Variants in SPTBN1 observed in about 807,000 individuals in gnomAD.
The protein encoded by SPTBN1 is spectrin beta chain, non-erythrocytic 1.
SPTBN1 carries 32 observed loss-of-function variants against 266.4 expected under a neutral mutation model. The ratio of observed to expected loss-of-function variants is 0.12; its 90% CI spans 0.09 to 0.16. The LOEUF (loss-of-function observed/expected upper bound fraction) is 0.16. Ranked by LOEUF, SPTBN1 falls within the 10% of genes least tolerant of loss-of-function variation. SPTBN1 has a pLI of 1.00. For synonymous variants in SPTBN1, 1,336 were observed against 1,162.2 expected, an observed-to-expected ratio of 1.15 and a Z score of -3.04; for missense variants, 2,296 against 3,067.1, an observed-to-expected ratio of 0.75 and a Z score of 5.94.
chr2:54,667,605 C>G lies in SPTBN1; in HGVS notation c.6835C>G (p.Leu2279Val), dbSNP rs764427649. 6.2e-6 allele frequency: 10 copies of G among 1,613,786 alleles called. No homozygotes were observed. Among genetic ancestry groups the G allele is most frequent in the Non-Finnish European group, 8.5e-6 (10 of 1,179,736 alleles). ...TAACTTTCTTCCTTGAAATTACAGA[C>G]TAAATGATGGCAATGAGTACCTCTT... ...KKKKHVFKLR[L>V]NDGNEYLFQA... Residue 2279 changes from leucine (L) to valine (V), a missense_variant and splice_region_variant, in exon 35 of 36, where the codon CTA becomes GTA. Physicochemically the swap from Leu to Val is conservative, Grantham distance 32. This residue lies in a region of SPTBN1 where 347 missense variants were observed against 368.5 expected (regional missense o/e 0.94). Coordinates refer to ENST00000356805, the MANE Select transcript of SPTBN1 (RefSeq NM_003128.3).
At chr2:54,620,231 A>G (rs1043633735) in intron 7 of SPTBN1, among the ~76,000 whole-genome samples, 1 of 152,242 alleles carries the variant, frequency 6.6e-6, no homozygotes, top group Non-Finnish European at 1.5e-5. Flanking sequence ...CAAACAAAAC[A>G]TGCATAAAAA....
intron 1 of SPTBN1, among the ~76,000 whole-genome samples, chr2:54,488,244 A>G (rs1334480809): frequency 1.3e-5 from 2 of 152,122 alleles, no homozygotes; most frequent in Admixed American, 1.3e-4. Context: ...CCTTACCGTC[A>G]TGCCTCAATT....
intron 7 of SPTBN1, among the ~76,000 whole-genome samples, chr2:54,620,797 G>A (rs6715538): frequency 0.57 from 87,081 of 152,060 alleles, 25,288 homozygotes; most frequent in Admixed American, 0.61. Context: ...GCCAGATTCT[G>A]GAGGACTGAA....
At chr2:54,506,177 A>G (rs1041845403) in intron 1 of SPTBN1, among the ~76,000 whole-genome samples, 1 of 151,966 alleles carries the variant, frequency 6.6e-6, no homozygotes, top group Non-Finnish European at 1.5e-5. Flanking sequence ...TGAATGCAAG[A>G]CTGTATGTGT....
intron 2 of SPTBN1, among the ~76,000 whole-genome samples, chr2:54,537,476 C>T (rs1251218185): frequency 6.6e-6 from 1 of 152,216 alleles, no homozygotes; most frequent in African/African-American, 2.4e-5. Context: ...AACACATCAG[C>T]TCCATCCATC....
chr2:54,606,200 A>G (rs769963811), intron 3 of SPTBN1, among the ~76,000 whole-genome samples: 7 of 152,204 alleles, frequency 4.6e-5, no homozygotes, highest in Non-Finnish European at 1.0e-4. Context: ...TAAAGTCTGA[A>G]AGAACATTGG....
chr2:54,486,606 C>T (rs1156957990), intron 1 of SPTBN1, among the ~76,000 whole-genome samples: 3 of 152,090 alleles, frequency 2.0e-5, no homozygotes, highest in Non-Finnish European at 1.5e-5. Flanking sequence ...GGTCCTCTGC[C>T]TAGGAAAACC....
chr2:54,661,933 A>G (rs1681074583), intron 32 of SPTBN1: 34 of 985,310 alleles, frequency 3.5e-5, no homozygotes, highest in East Asian at 1.1e-4. Context: ...CAAAATTTTA[A>G]TTACAATTGG....
intron 2 of SPTBN1, among the ~76,000 whole-genome samples, chr2:54,536,714 A>C (rs546053418): frequency 6.6e-6 from 1 of 152,276 alleles, no homozygotes; most frequent in African/African-American, 2.4e-5. Flanking sequence ...AACAACAAAG[A>C]TATGTGTGTG....
chr2:54,527,027 A>G (rs1405338496), intron 2 of SPTBN1: 1 of 153,050 alleles, frequency 6.5e-6, no homozygotes, highest in East Asian at 1.9e-4. Flanking sequence ...AGGCACATTT[A>G]ATACAGTAAC....
chr2:54,644,771 A>G (rs1679810093), intron 20 of SPTBN1, among the ~76,000 whole-genome samples, 185 bp downstream of exon 20: 1 of 152,220 alleles, frequency 6.6e-6, no homozygotes, highest in African/African-American at 2.4e-5. Flanking sequence ...ACTTGTCCAA[A>G]CTAGAAAGAC....
At chr2:54,492,090 A>T (rs746717588) in intron 1 of SPTBN1, among the ~76,000 whole-genome samples, 7 of 152,212 alleles carry the variant, frequency 4.6e-5, no homozygotes, top group Non-Finnish European at 7.3e-5. Context: ...TTTAAAAAAT[A>T]ACTTCTGAAT....
chr2:54,521,863 A>G (rs202009298), intron 1 of SPTBN1, among the ~76,000 whole-genome samples: 2 of 152,084 alleles, frequency 1.3e-5, no homozygotes, highest in East Asian at 3.9e-4. Flanking sequence ...CTAGTGGATA[A>G]TTTGGATACT....
intron 18 of SPTBN1, among the ~76,000 whole-genome samples, chr2:54,642,421 C>T (rs370799144): frequency 2.0e-5 from 3 of 151,898 alleles, no homozygotes; most frequent in African/African-American, 7.3e-5. Flanking sequence ...TTGAAGGAAA[C>T]ATTGAAAGGG....
rs1165741462 is a variant in SPTBN1 at position 54,649,905 on chromosome 2, G to T, written c.5493G>T (p.Glu1831Asp). Reference protein sequence around the residue: ...IQDKHKKLPEELGRDQNTVET... With the variant: ...IQDKHKKLPEDLGRDQNTVET... ...ACAAACACAAGAAACTCCCTGAGGAGCTTGGGAGAGATCAGAACACAGTGG... is the reference window on the plus strand; with the variant it reads ...ACAAACACAAGAAACTCCCTGAGGATCTTGGGAGAGATCAGAACACAGTGG... Residue 1831 changes from glutamate (E) to aspartate (D), a missense_variant, in exon 26 of 36, where the codon GAG becomes GAT. Transcript: ENST00000356805. The surrounding 1 kb of genome is among the most constrained non-coding windows in gnomAD (Gnocchi z 6.7). 9 of 1,614,112 alleles carry T rather than the reference G, an allele frequency of 5.6e-6. No individual in the cohort carries two copies. The highest frequency in any genetic ancestry group is 7.6e-6 in the Non-Finnish European group (9 of 1,180,050).
At chr2:54,505,590 T>C (rs1261862025) in intron 1 of SPTBN1, among the ~76,000 whole-genome samples, 2 of 152,232 alleles carry the variant, frequency 1.3e-5, no homozygotes, top group East Asian at 3.9e-4. Context: ...ACCTGCCAGG[T>C]GTGTCTCCTG....
At chr2:54,666,121 T>C in intron 34 of SPTBN1, 33 bp downstream of exon 34, 2 of 1,582,692 alleles carry the variant, frequency 1.3e-6, no homozygotes, top group Non-Finnish European at 1.7e-6. Context: ...GCTGCCAGAG[T>C]GGGTTTGCAT....
Position 54,655,256 on chromosome 2 carries a change from A to G in SPTBN1, c.5961+48A>G, listed in dbSNP as rs150376532. 6.6e-4 allele frequency: 1,063 copies of G among 1,602,270 alleles called. 8 individuals are homozygous for G. The African/African-American group carries it at 0.012, about 18-fold the overall frequency. ...AGCTGCAGCTGGCGTCAAGATGTAA[A>G]ATGACTTTGTTTTATATGTTTGTGT... On this transcript the variant is annotated intron_variant, in intron 28 of 35. Transcript: ENST00000356805.
At chr2:54,560,606 C>G (rs1446992025) in intron 2 of SPTBN1, among the ~76,000 whole-genome samples, 1 of 152,152 alleles carries the variant, frequency 6.6e-6, no homozygotes. Flanking sequence ...CGCTGTTTCT[C>G]AAGGAAATCC....
Sources: allele counts gnomAD v4.1 joint callset (sites outside exome capture counted in the v4.1 genomes callset), GRCh38; gene constraint gnomAD v4.1.1; regional missense constraint gnomAD v4.1.1; non-coding constraint Gnocchi (gnomAD v3.1); transcripts MANE v1.5; gene names NCBI Gene and HGNC (gene_info 2026-07-23, HGNC 2026-07-21).